Variants in GRID2 observed in about 807,000 individuals in gnomAD.
GRID2 encodes the protein glutamate receptor ionotropic, delta-2.
In GRID2, 33 loss-of-function variants were observed where a neutral mutation model predicts 114.8. The observed-to-expected ratio is 0.29, with a 90% CI of 0.22 to 0.38. The LOEUF (loss-of-function observed/expected upper bound fraction) is 0.38, where lower values mean the gene tolerates loss of function less well. Among genes scored for constraint, GRID2 ranks in the 10% least tolerant of loss-of-function variants. The pLI is 1.00. For missense variants in GRID2, 1,184 were observed against 1,257.7 expected (o/e 0.94, Z 0.89); for synonymous variants, 505 against 449.9 (o/e 1.12, Z -1.55).
chr4:92,933,250 A>T (rs1750383417), intron 2 of GRID2, among the ~76,000 whole-genome samples: 1 of 151,198 alleles, frequency 6.6e-6, no homozygotes. Flanking sequence ...ATTTGTATGT[A>T]TCAGTTGCAA....
chr4:92,602,322 G>A (rs951545585), intron 2 of GRID2, among the ~76,000 whole-genome samples: 2 of 152,132 alleles, frequency 1.3e-5, no homozygotes, highest in South Asian at 2.1e-4. Context: ...CTGGGAAACC[G>A]GATTCAGCAA....
At chr4:92,765,047 T>C (rs1369436067) in intron 2 of GRID2, among the ~76,000 whole-genome samples, 1 of 152,220 alleles carries the variant, frequency 6.6e-6, no homozygotes, top group African/African-American at 2.4e-5. Context: ...AGCTACAATT[T>C]AAATATCAAA....
intron 1 of GRID2, among the ~76,000 whole-genome samples, chr4:93,805,331 A>G (rs1735009202): frequency 6.6e-6 from 1 of 152,186 alleles, no homozygotes; most frequent in African/African-American, 2.4e-5. Context: ...TCTTCAAGAG[A>G]GGTAGATAAA....
At chr4:92,609,262 A>G (rs1304578848) in intron 2 of GRID2, among the ~76,000 whole-genome samples, 1 of 151,706 alleles carries the variant, frequency 6.6e-6, no homozygotes, top group Non-Finnish European at 1.5e-5. Context: ...TATGTGGTTA[A>G]GTTTTCATTA....
chr4:93,043,892 A>G (rs1005872148), intron 2 of GRID2, among the ~76,000 whole-genome samples: 9 of 151,994 alleles, frequency 5.9e-5, no homozygotes, highest in African/African-American at 2.2e-4. Flanking sequence ...GTGCACATGT[A>G]CCCTAGAACT....
chr4:92,990,165 T>A lies in GRID2; in HGVS notation c.245-94830T>A, dbSNP rs116302619. On this transcript the variant is annotated intron_variant, in intron 2 of 15. Coordinates refer to ENST00000282020, the MANE Select transcript of GRID2 (RefSeq NM_001510.4). ...TTGGTGTATAGCAAAAATACATGGG[T>A]CCAAAATAGAGTGGCATTCATCTTA... Among the ~76,000 whole-genome samples, 1,132 of 150,778 alleles carry A rather than the reference T, an allele frequency of 7.5e-3. 9 individuals carry two copies. The highest frequency in any genetic ancestry group is 0.026 in the African/African-American group (1,075 of 41,034).
At chr4:92,789,762 TA>T (rs1466518912) in intron 2 of GRID2, among the ~76,000 whole-genome samples, 2 of 151,986 alleles carry the variant, frequency 1.3e-5, no homozygotes, top group Admixed American at 6.6e-5. Context: ...TTTAAATATT[TA>T]GTTGTTGGTA....
intron 1 of GRID2, among the ~76,000 whole-genome samples, chr4:92,421,870 A>G (rs1233390797): frequency 6.6e-6 from 1 of 152,144 alleles, no homozygotes; most frequent in Non-Finnish European, 1.5e-5. Context: ...TCAAATCTGC[A>G]AGGGATGCTT....
At chr4:93,552,246 A>G (rs1193726591) in intron 13 of GRID2, among the ~76,000 whole-genome samples, 1 of 151,974 alleles carries the variant, frequency 6.6e-6, no homozygotes, top group Non-Finnish European at 1.5e-5. Flanking sequence ...TCCATGGTGT[A>G]TATGTGCCAC....
chr4:92,723,002 T>C (rs993068071), intron 2 of GRID2, among the ~76,000 whole-genome samples: 1 of 152,204 alleles, frequency 6.6e-6, no homozygotes, highest in Non-Finnish European at 1.5e-5. Context: ...GTTGCCCCAG[T>C]GAGAAAGACT....
At chr4:92,510,238 A>G (rs1724179912) in intron 1 of GRID2, among the ~76,000 whole-genome samples, 1 of 151,940 alleles carries the variant, frequency 6.6e-6, no homozygotes, top group African/African-American at 2.4e-5. Context: ...AGAGAGAAAA[A>G]AAGCATATAA....
At chr4:92,739,993 T>C (rs1049928991) in intron 2 of GRID2, among the ~76,000 whole-genome samples, 1 of 152,190 alleles carries the variant, frequency 6.6e-6, no homozygotes, top group Non-Finnish European at 1.5e-5. Flanking sequence ...ATTACTATCC[T>C]TATATTCTTT....
intron 2 of GRID2, among the ~76,000 whole-genome samples, chr4:93,040,868 T>A (rs1725450341): frequency 6.6e-6 from 1 of 152,122 alleles, no homozygotes; most frequent in Admixed American, 6.6e-5. Flanking sequence ...GGAGCTGTAT[T>A]TATGGCATCT....
chr4:92,884,039 T>C (rs990152116), intron 2 of GRID2, among the ~76,000 whole-genome samples: 2 of 152,178 alleles, frequency 1.3e-5, no homozygotes, highest in African/African-American at 4.8e-5. Flanking sequence ...GCTTGTCCAG[T>C]ATAAGGCTGT....
chr4:92,553,257 T>A (rs1413148912), intron 1 of GRID2, among the ~76,000 whole-genome samples: 1 of 152,166 alleles, frequency 6.6e-6, no homozygotes, highest in Non-Finnish European at 1.5e-5. Flanking sequence ...ACACATCATA[T>A]AATTCTTTAT....
chr4:93,180,432 T>C (rs1000739393), intron 4 of GRID2, among the ~76,000 whole-genome samples: 2 of 152,142 alleles, frequency 1.3e-5, no homozygotes, highest in African/African-American at 4.8e-5. Context: ...TATTGATGAC[T>C]GCTGACTGAT....
intron 2 of GRID2, chr4:92,834,118 C>G (rs908809678): frequency 7.9e-5 from 12 of 152,224 alleles, no homozygotes; most frequent in African/African-American, 2.9e-4. Flanking sequence ...TCGGTGTCAA[C>G]TTAAAGGATT....
At chr4:93,736,352 C>A (rs183218111) in intron 14 of GRID2, among the ~76,000 whole-genome samples, 1 of 152,066 alleles carries the variant, frequency 6.6e-6, no homozygotes, top group East Asian at 1.9e-4. Flanking sequence ...TTGTAACAAC[C>A]CCAGGAGATG....
chr4:92,824,424 C>A (rs879732836), intron 2 of GRID2, among the ~76,000 whole-genome samples: 1 of 151,924 alleles, frequency 6.6e-6, no homozygotes, highest in East Asian at 1.9e-4. Context: ...CTGTGACACC[C>A]TTTTTTGCTA....
Sources: allele counts gnomAD v4.1 joint callset (sites outside exome capture counted in the v4.1 genomes callset), GRCh38; gene constraint gnomAD v4.1.1; transcripts MANE v1.5; gene names NCBI Gene and HGNC (gene_info 2026-07-23, HGNC 2026-07-21).